IQGAP3: variants seen among roughly 807,000 people sequenced by gnomAD.
IQGAP3 encodes ras GTPase-activating-like protein IQGAP3.
A neutral mutation model predicts 208.2 loss-of-function variants in IQGAP3; 165 were observed. That is an observed-to-expected ratio of 0.79 (90% CI 0.70 to 0.90). The LOEUF is 0.90. Among genes scored for constraint, IQGAP3 ranks in the 40% least tolerant of loss-of-function variants. The pLI, the probability that IQGAP3 is intolerant of heterozygous loss-of-function variation, is 0.00. For missense variants in IQGAP3, 1,811 were observed against 2,043.1 expected (o/e 0.89, Z 2.19); for synonymous variants, 703 against 803.6 (o/e 0.87, Z 2.12).
At chr1:156,545,403 T>C (rs1487479525) in intron 19 of IQGAP3, among the ~76,000 whole-genome samples, 3 of 152,160 alleles carry the variant, frequency 2.0e-5, no homozygotes, top group Non-Finnish European at 4.4e-5. Context: ...TTAAGGATCC[T>C]AGATGCATCA....
intron 25 of IQGAP3, 21 bp downstream of exon 25, chr1:156,539,353 C>G (rs772510997): frequency 2.5e-6 from 4 of 1,610,326 alleles, no homozygotes; most frequent in Admixed American, 3.3e-5. Context: ...CTCCCCATTC[C>G]TTTGTGTCTG....
intron 19 of IQGAP3, among the ~76,000 whole-genome samples, chr1:156,547,340 A>T (rs1267599128): frequency 1.3e-5 from 2 of 151,736 alleles, no homozygotes; most frequent in African/African-American, 4.8e-5. Flanking sequence ...CTAGTGTCCT[A>T]GCCTTGATGT....
At chr1:156,557,585 G>A (rs1675899804) in intron 11 of IQGAP3, among the ~76,000 whole-genome samples, 1 of 84,768 alleles carries the variant, frequency 1.2e-5, no homozygotes, top group Non-Finnish European at 2.6e-5. Flanking sequence ...CCCCCGCCCG[G>A]CCAGCCGCCC....
intron 2 of IQGAP3, among the ~76,000 whole-genome samples, chr1:156,566,860 GCTT>G (rs1557947737): frequency 7.0e-6 from 1 of 142,208 alleles, no homozygotes. Context: ...CTAGTTACAT[GCTT>G]TTTTTTTTTT....
intron 26 of IQGAP3, among the ~76,000 whole-genome samples, chr1:156,538,426 T>G (rs546118499): frequency 5.9e-5 from 9 of 151,906 alleles, no homozygotes; most frequent in African/African-American, 2.2e-4. Context: ...TGACCTCAGG[T>G]GATCTGCCCA....
Position 156,530,195 on chromosome 1 carries a change from C to T in IQGAP3, c.4314G>A (p.Arg1438=), listed in dbSNP as rs139798063. The T allele has an allele frequency of 1.9e-6, 3 of 1,612,886 alleles. No homozygotes were observed. Among genetic ancestry groups the T allele is most frequent in the African/African-American group, 1.3e-5 (1 of 74,934 alleles). Residue 1438 remains arginine (R), a synonymous_variant, in exon 34 of 38, where the codon CGG becomes CGA. Transcript: ENST00000361170. ...HSLLPLAEKQ[R]RVLRNLRRLE... Reference sequence around the variant, plus strand: ...GTCGGCGTAGGTTCCGCAGGACGCGCCGCTGCTTCTCTGCCAGTGGCAGGA... The same window carrying T: ...GTCGGCGTAGGTTCCGCAGGACGCGTCGCTGCTTCTCTGCCAGTGGCAGGA...
At chr1:156,567,498 A>G (rs971014998) in intron 2 of IQGAP3, among the ~76,000 whole-genome samples, 1 of 152,226 alleles carries the variant, frequency 6.6e-6, no homozygotes, top group African/African-American at 2.4e-5. Context: ...CAAATGAGCT[A>G]ATGAATGTGA....
intron 23 of IQGAP3, among the ~76,000 whole-genome samples, chr1:156,540,455 C>A (rs886677494): frequency 4.6e-5 from 7 of 152,130 alleles, no homozygotes; most frequent in Middle Eastern, 3.2e-3. Flanking sequence ...GTGAAATGAG[C>A]ACCCACAGCC....
intron 25 of IQGAP3, 116 bp from the exon 26 acceptor site, chr1:156,539,149 G>T (rs1674856585): frequency 2.1e-6 from 2 of 934,484 alleles, no homozygotes; most frequent in Non-Finnish European, 3.3e-6. Context: ...CGCTCTTAAG[G>T]AATGTCTTGA....
Position 156,534,016 on chromosome 1 carries a change from G to T in IQGAP3, c.3866C>A (p.Thr1289Lys). 6.2e-7 allele frequency: 1 copy of T among 1,613,684 alleles called. No individual in the cohort carries two copies. Among genetic ancestry groups the T allele is most frequent in the South Asian group, 1.1e-5 (1 of 91,086 alleles). Residue 1289 changes from threonine to lysine, a missense_variant, in exon 30 of 38, where the codon ACG becomes AAG. Coordinates refer to ENST00000361170, the MANE Select transcript of IQGAP3 (RefSeq NM_178229.5). The part of the protein sequence containing the change: ...VYITVGELVN[T>K]HRLLLEHQDC... ...CAGATCTCAGCCCCTCACCCTGTGCGTGTTGACCAGCTCCCCCACGGTGAT... is the reference window on the plus strand; with the variant it reads ...CAGATCTCAGCCCCTCACCCTGTGCTTGTTGACCAGCTCCCCCACGGTGAT...
intron 1 of IQGAP3, 82 bp downstream of exon 1, chr1:156,572,411 C>A: frequency 7.0e-7 from 1 of 1,438,344 alleles, no homozygotes; most frequent in South Asian, 1.1e-5. Context: ...GCCCGACACA[C>A]GCCCCAATCT....
At position 156,548,706 on chromosome 1, in the gene IQGAP3, C is replaced by T. The variant is rs752931109; in HGVS notation, c.1868G>A (p.Gly623Asp). Reference sequence around the variant, plus strand: ...CACCCGCTCAGTCTGGGCTGCCTTGCCCTCCTTGATGGCTTGATTGATGGC... The same window carrying T: ...CACCCGCTCAGTCTGGGCTGCCTTGTCCTCCTTGATGGCTTGATTGATGGC... The part of the protein sequence containing the change: ...VAAINQAIKE[G>D]KAAQTERVLR... The change falls in exon 17 of 38, where the codon GGC becomes GAC. Residue 623 changes from glycine to aspartate, a missense_variant. By Grantham distance (94) the Gly-to-Asp change is moderately conservative. Transcript: ENST00000361170. 1.9e-6 allele frequency: 3 copies of T among 1,603,252 alleles called. No homozygotes were observed. The highest frequency in any genetic ancestry group is 2.7e-5 in the African/African-American group (2 of 74,662).
Position 156,563,444 on chromosome 1 carries a change from GC to G in IQGAP3, c.619+108del. On this transcript the variant is annotated intron_variant, in intron 7 of 37. Coordinates refer to ENST00000361170, the MANE Select transcript of IQGAP3 (RefSeq NM_178229.5). The stretch of plus-strand genomic sequence containing the variant: ...GCCAGACAAACCAGGTAGCCTGATG[GC>G]CCTATCTGTGGATGAGAGCTGGCCA... The G allele has an allele frequency of 3.0e-6, 4 of 1,317,366 alleles. No individual in the cohort carries two copies. The South Asian group carries it at 5.7e-5, about 19-fold the overall frequency. The allele number at this position is 1,317,366 out of a possible 1,614,324, so 81.6% of individuals were successfully genotyped here.
chr1:156,546,134 A>C (rs1675232605), intron 19 of IQGAP3, among the ~76,000 whole-genome samples: 1 of 152,174 alleles, frequency 6.6e-6, no homozygotes, highest in Non-Finnish European at 1.5e-5. Context: ...GGGAAAAGGC[A>C]GAGTGGTCTG....
intron 28 of IQGAP3, 107 bp downstream of exon 28, chr1:156,535,056 A>AT (rs142709451): frequency 0.038 from 34,322 of 894,438 alleles, 866 homozygotes; most frequent in South Asian, 0.083. Context: ...CCCTCCTTGG[A>AT]TTTTTATGGC....
intron 9 of IQGAP3, 46 bp downstream of exon 9, chr1:156,562,541 T>G (rs764504907): frequency 9.5e-5 from 143 of 1,498,546 alleles, no homozygotes; most frequent in Non-Finnish European, 1.3e-4. Context: ...GTGCAGGGGC[T>G]TACCCTGAGG....
chr1:156,560,886 G>T (rs903678256), intron 11 of IQGAP3, 48 bp downstream of exon 11: 8 of 1,287,160 alleles, frequency 6.2e-6, no homozygotes, highest in Admixed American at 1.7e-5. Context: ...ACTCTTCTAA[G>T]AGTCAGAGAT....
At chr1:156,546,439 G>GT (rs1675249392) in intron 19 of IQGAP3, among the ~76,000 whole-genome samples, 1 of 152,118 alleles carries the variant, frequency 6.6e-6, no homozygotes, top group South Asian at 2.1e-4. Flanking sequence ...TGTTGGTGTG[G>GT]TTTTTCATCG....
intron 12 of IQGAP3, among the ~76,000 whole-genome samples, 198 bp downstream of exon 12, chr1:156,556,335 G>T (rs2102420256): frequency 6.6e-6 from 1 of 152,350 alleles, no homozygotes; most frequent in Admixed American, 6.5e-5. Context: ...AGGATTAAAT[G>T]AGTATGTAAA....
Sources: gnomAD v4.1 joint callset for allele counts (sites outside exome capture counted in the v4.1 genomes callset) on GRCh38, gnomAD v4.1.1 for gene constraint, MANE v1.5 for transcripts, NCBI Gene and HGNC (gene_info 2026-07-23, HGNC 2026-07-21) for gene names.